The following SHB variants were observed in gnomAD, a reference collection of about 807,000 sequenced individuals.
SHB encodes SH2 domain containing adaptor protein B.
A neutral mutation model predicts 52.3 loss-of-function variants in SHB; 20 were observed. The ratio of observed to expected loss-of-function variants is 0.38; its 90% CI spans 0.27 to 0.56. The LOEUF is 0.56. Among genes scored for constraint, SHB ranks in the 20% least tolerant of loss-of-function variants. SHB has a pLI of 0.71. For synonymous variants in SHB, 397 were observed against 316.5 expected, an observed-to-expected ratio of 1.25 and a Z score of -2.70; for missense variants, 825 against 723.3, an observed-to-expected ratio of 1.14 and a Z score of -1.61.
chr9:37,993,027 G>A (rs1166541547), intron 2 of SHB, among the ~76,000 whole-genome samples: 4 of 152,206 alleles, frequency 2.6e-5, no homozygotes, highest in Admixed American at 1.3e-4. Flanking sequence ...ACATGAGAGT[G>A]TCTCAGCCAG....
At chr9:37,935,783 T>G (rs1423560345) in intron 5 of SHB, among the ~76,000 whole-genome samples, 1 of 152,080 alleles carries the variant, frequency 6.6e-6, no homozygotes, top group Non-Finnish European at 1.5e-5. Context: ...TACTCTATGC[T>G]TTTTCTCTAC....
intron 4 of SHB, among the ~76,000 whole-genome samples, chr9:37,951,259 A>C (rs1832563664): frequency 6.6e-6 from 1 of 152,248 alleles, no homozygotes; most frequent in South Asian, 2.1e-4. Context: ...GAAGGCAGGA[A>C]GAGCATGCAG....
intron 5 of SHB, among the ~76,000 whole-genome samples, chr9:37,935,671 T>C (rs1832360824): frequency 6.6e-6 from 1 of 152,112 alleles, no homozygotes; most frequent in Non-Finnish European, 1.5e-5. Context: ...CTCCCCATTG[T>C]ACAGATGCAG....
At position 37,955,944 on chromosome 9, in the gene SHB, G is replaced by T. The variant is rs1011193453; in HGVS notation, c.1165C>A (p.Pro389Thr). 1 of 1,613,310 alleles carries T rather than the reference G, an allele frequency of 6.2e-7. No individual in the cohort carries two copies. Among genetic ancestry groups the T allele is most frequent in the Non-Finnish European group, 8.5e-7 (1 of 1,179,828 alleles). The change falls in exon 4 of 6, where the codon CCT (proline) becomes ACT (threonine). Residue 389 changes from proline (P) to threonine (T), a missense_variant. Physicochemically the swap from Pro to Thr is conservative, Grantham distance 38 (BLOSUM62 -1). Coordinates refer to ENST00000377707, the MANE Select transcript of SHB (RefSeq NM_003028.3). ...GGFKPIKHGS[P>T]EFCGILGERV... ...TCTCCTAGGATCCCGCAGAACTCAG[G>T]GCTCCCATGTTTGATAGGCTTAAAG...
chr9:37,938,788 G>A (rs897071753), intron 5 of SHB, among the ~76,000 whole-genome samples: 1 of 152,220 alleles, frequency 6.6e-6, no homozygotes, highest in African/African-American at 2.4e-5. Context: ...GCCTGTTGAC[G>A]GGCACGTCTG....
At chr9:37,972,740 C>G (rs1820606425) in intron 3 of SHB, among the ~76,000 whole-genome samples, 1 of 152,120 alleles carries the variant, frequency 6.6e-6, no homozygotes, top group Admixed American at 6.5e-5. Flanking sequence ...ATGGGATTTG[C>G]TCAGCGCATG....
At chr9:37,936,185 C>T (rs1564082630) in intron 5 of SHB, among the ~76,000 whole-genome samples, 1 of 152,168 alleles carries the variant, frequency 6.6e-6, no homozygotes, top group Admixed American at 6.5e-5. Flanking sequence ...CATTGCACTC[C>T]AGCCTGGGCG....
chr9:37,976,393 C>T (rs1820653700), intron 2 of SHB, among the ~76,000 whole-genome samples: 1 of 152,172 alleles, frequency 6.6e-6, no homozygotes, highest in African/African-American at 2.4e-5. Context: ...GGTACATTCA[C>T]ACTATTGGGA....
chr9:37,930,831 A>G (rs1039676910), intron 5 of SHB, among the ~76,000 whole-genome samples: 2 of 152,214 alleles, frequency 1.3e-5, no homozygotes, highest in African/African-American at 4.8e-5. Flanking sequence ...AAGAAAAGAA[A>G]GTTGGGGGCA....
intron 5 of SHB, among the ~76,000 whole-genome samples, chr9:37,943,884 C>T (rs770026055): frequency 2.8e-4 from 42 of 152,260 alleles, no homozygotes; most frequent in South Asian, 1.0e-3. Flanking sequence ...GACTCATTCG[C>T]AGGCCAAAGT....
chr9:37,918,654 C>G lies in SHB; in HGVS notation c.*1167G>C, dbSNP rs990806635. On this transcript the variant is annotated 3_prime_UTR_variant, in exon 6 of 6. Coordinates refer to ENST00000377707, the MANE Select transcript of SHB (RefSeq NM_003028.3). ...AAAGAGCATTGGCTGCAGAACCGCT[C>G]TGCTGCTGGTGAGCTGTGTGGCTTT... Among the ~76,000 whole-genome samples the G allele has an allele frequency of 7.2e-5, 11 of 152,236 alleles. No homozygotes were observed. Among genetic ancestry groups the G allele is most frequent in the Non-Finnish European group, 1.5e-4 (10 of 68,046 alleles).
At chr9:37,923,712 G>T (rs1832210925) in intron 5 of SHB, among the ~76,000 whole-genome samples, 2 of 152,220 alleles carry the variant, frequency 1.3e-5, no homozygotes, top group South Asian at 4.1e-4. Flanking sequence ...GAACAGAGGG[G>T]TTCATCAGGC....
intron 2 of SHB, among the ~76,000 whole-genome samples, chr9:37,975,943 C>G (rs915048301): frequency 4.6e-5 from 7 of 152,176 alleles, no homozygotes; most frequent in African/African-American, 1.7e-4. Context: ...AGGACCAGGG[C>G]AAGCCAATGC....
At chr9:38,052,904 C>T (rs1271037553) in intron 1 of SHB, among the ~76,000 whole-genome samples, 1 of 152,236 alleles carries the variant, frequency 6.6e-6, no homozygotes, top group Non-Finnish European at 1.5e-5. Context: ...CCTCCTTATG[C>T]ATGAAGGCCC....
intron 5 of SHB, among the ~76,000 whole-genome samples, chr9:37,925,190 C>A (rs911889609): frequency 1.3e-5 from 2 of 152,244 alleles, no homozygotes; most frequent in East Asian, 3.9e-4. Context: ...GGCAATGAGG[C>A]CCCATGCATC....
At chr9:38,014,649 G>A (rs1821187142) in intron 2 of SHB, among the ~76,000 whole-genome samples, 1 of 152,380 alleles carries the variant, frequency 6.6e-6, no homozygotes, top group South Asian at 2.1e-4. Flanking sequence ...TGCTCCAGAA[G>A]TCTGGACCTA....
rs1166710383 is a variant in SHB, at chr9:37,988,989, C to T, written c.839-14152G>A. On this transcript the variant is annotated intron_variant, in intron 2 of 5. Transcript: ENST00000377707. ...CTGGCTCTCCTGGGTCTCCAGCTTA[C>T]TAACTTACCAACAAATTTTGGGACT... Among the ~76,000 whole-genome samples the T allele has an allele frequency of 9.9e-5, 15 of 152,204 alleles. 1 individual carries two copies. The highest frequency in any genetic ancestry group is 9.8e-4 in the Admixed American group (15 of 15,278).
At chr9:37,950,263 CTT>C (rs111494758) in intron 4 of SHB, among the ~76,000 whole-genome samples, 9 of 144,612 alleles carry the variant, frequency 6.2e-5, no homozygotes, top group Admixed American at 6.9e-5. Flanking sequence ...TGTGTGTTTC[CTT>C]TTTTTTTTTT....
intron 5 of SHB, among the ~76,000 whole-genome samples, chr9:37,926,517 G>A (rs1832253060): frequency 6.6e-6 from 1 of 152,286 alleles, no homozygotes; most frequent in East Asian, 1.9e-4. Context: ...AGAGTCAGAG[G>A]GCTCAAGTGA....
Sources: allele counts gnomAD v4.1 joint callset (sites outside exome capture counted in the v4.1 genomes callset), GRCh38; gene constraint gnomAD v4.1.1; transcripts MANE v1.5; gene names NCBI Gene and HGNC (gene_info 2026-07-23, HGNC 2026-07-21).